IDE: variants seen among roughly 807,000 people sequenced by gnomAD.
IDE encodes the protein insulin degrading enzyme.
IDE carries 58 observed loss-of-function variants against 133.2 expected under a neutral mutation model. The observed-to-expected ratio is 0.44, with a 90% CI of 0.35 to 0.54. The LOEUF is 0.54. IDE is among the 20% of genes least tolerant of loss of function. IDE has a pLI of 0.00. For synonymous variants in IDE, 396 were observed against 421.3 expected, an observed-to-expected ratio of 0.94 and a Z score of 0.73; for missense variants, 981 against 1,234.0, an observed-to-expected ratio of 0.79 and a Z score of 3.07.
chr10:92,493,392 T>TC (rs980643788), intron 11 of IDE, among the ~76,000 whole-genome samples: 3 of 151,506 alleles, frequency 2.0e-5, no homozygotes, highest in Non-Finnish European at 4.4e-5. Flanking sequence ...ACGCTTGATT[T>TC]CTTTTTTTTT....
intron 22 of IDE, among the ~76,000 whole-genome samples, 160 bp from the exon 23 acceptor site, chr10:92,456,591 C>T (rs1275944839): frequency 6.6e-6 from 1 of 152,132 alleles, no homozygotes; most frequent in Non-Finnish European, 1.5e-5. Flanking sequence ...GTAATCCCAG[C>T]ACTTTGGGAG....
chr10:92,533,845 G>A (rs1421578360), intron 3 of IDE, among the ~76,000 whole-genome samples: 1 of 151,850 alleles, frequency 6.6e-6, no homozygotes, highest in African/African-American at 2.4e-5. Context: ...CCAACATGGT[G>A]AAACCCCATC....
intron 23 of IDE, 54 bp from the exon 24 acceptor site, chr10:92,455,697 G>GAA (rs1844968854): frequency 2.8e-5 from 23 of 812,862 alleles, no homozygotes; most frequent in Admixed American, 9.0e-5. Flanking sequence ...TATCACAAAA[G>GAA]AACAAAAAAA....
chr10:92,487,145 A>G, intron 13 of IDE, 51 bp downstream of exon 13: 2 of 1,545,584 alleles, frequency 1.3e-6, no homozygotes, highest in Non-Finnish European at 1.8e-6. Context: ...CCAGTCCCCC[A>G]TGTATTAGGT....
intron 1 of IDE, among the ~76,000 whole-genome samples, chr10:92,551,981 A>C (rs1842805425): frequency 6.6e-6 from 1 of 152,272 alleles, no homozygotes; most frequent in East Asian, 1.9e-4. Context: ...ACACACACAC[A>C]AAAAGGTCAA....
chr10:92,468,968 A>G lies in IDE; in HGVS notation c.2231T>C (p.Met744Thr), dbSNP rs757095498. 6.2e-7 allele frequency: 1 copy of G among 1,605,710 alleles called. No individual in the cohort carries two copies. The highest frequency in any genetic ancestry group is 1.7e-5 in the Admixed American group (1 of 60,010). The change falls in exon 19 of 25, where the codon ATG becomes ACG. Residue 744 changes from methionine to threonine, a missense_variant. Physicochemically the swap from Met to Thr is moderately conservative, Grantham distance 81 (BLOSUM62 -1). Around this residue, in one of 2 missense-constraint regions of IDE, gnomAD observed 660 missense variants for 894.7 expected, o/e 0.74. Transcript: ENST00000265986. ...TKQAALGIMQ[M>T]VEDTLIEHAH... ...ATGTTCAATGAGGGTGTCTTCAACC[A>G]TCTGCATAATTCCTAATGCAGCCTA...
chr10:92,495,421 A>G (rs931855590), intron 11 of IDE, among the ~76,000 whole-genome samples: 1 of 151,984 alleles, frequency 6.6e-6, no homozygotes, highest in Non-Finnish European at 1.5e-5. Flanking sequence ...GGGTTTCACT[A>G]TGTTGGCCAG....
chr10:92,504,509 A>T (rs1011227670), intron 11 of IDE, among the ~76,000 whole-genome samples: 2 of 152,178 alleles, frequency 1.3e-5, no homozygotes, highest in African/African-American at 2.4e-5. Context: ...TATTTATGAT[A>T]ATAAAATTAT....
rs1279397450 is a variant in IDE, at chr10:92,463,745, T to C, written c.2747A>G (p.Tyr916Cys). The change falls in exon 21 of 25, where the codon TAT (tyrosine) becomes TGT (cysteine). Residue 916 changes from tyrosine (Y) to cysteine (C), a missense_variant. Physicochemically the swap from Tyr to Cys is radical, Grantham distance 194. This residue lies in a region of IDE where 660 missense variants were observed against 894.7 expected (regional missense o/e 0.74). Transcript: ENST00000265986. ...TTTTACCTTACCTCTGTCAAAATTA[T>C]ATTGCTGGGAGATGATTTCTCCCCA... Reference protein sequence around the residue: ...KYWGEIISQQYNFDRDNTEVA... With the variant: ...KYWGEIISQQCNFDRDNTEVA... The C allele has an allele frequency of 1.9e-6, 3 of 1,613,740 alleles. No homozygotes were observed. Among genetic ancestry groups the C allele is most frequent in the East Asian group, 2.2e-5 (1 of 44,898 alleles).
At chr10:92,512,960 C>T (rs1000376103) in intron 5 of IDE, among the ~76,000 whole-genome samples, 2 of 152,110 alleles carry the variant, frequency 1.3e-5, no homozygotes, top group African/African-American at 2.4e-5. Context: ...GTACAATGTA[C>T]CACCCACCAC....
In IDE at chr10:92,510,749, A is replaced by C. The variant is rs563158100; in HGVS notation, c.785-587T>G. 4.1e-4 allele frequency among the ~76,000 whole-genome samples: 60 copies of C among 147,628 alleles called. 2 individuals are homozygous for C. The South Asian group carries it at 0.012, about 30-fold the overall frequency. ...ATCTCACATGTATGAAATATAGCACATACATCTCACATATATGATATATAG... is the reference window on the plus strand; with the variant it reads ...ATCTCACATGTATGAAATATAGCACCTACATCTCACATATATGATATATAG... On this transcript the variant is annotated intron_variant, in intron 5 of 24. Transcript: ENST00000265986.
Position 92,510,193 on chromosome 10 carries a change from T to A in IDE, c.785-31A>T, listed in dbSNP as rs761597143. ...AGAAAACAGACAAGGAAAACAGAAC[T>A]TAAGCGAATCATAACATCCAACAGG... On this transcript the variant is annotated intron_variant, in intron 5 of 24. Coordinates refer to ENST00000265986, the MANE Select transcript of IDE (RefSeq NM_004969.4). 7 of 1,158,390 alleles carry A rather than the reference T, an allele frequency of 6.0e-6. No homozygotes were observed. In the East Asian group the frequency reaches 1.7e-4, roughly 27 times the overall value. 71.8% of individuals were successfully genotyped at this position (1,158,390 alleles called of 1,614,324 possible).
intron 11 of IDE, among the ~76,000 whole-genome samples, chr10:92,492,421 G>A (rs990464563): frequency 9.2e-5 from 14 of 152,222 alleles, no homozygotes; most frequent in South Asian, 2.1e-4. Context: ...GGGACACTCC[G>A]CCTCTACTGC....
At chr10:92,560,401 C>T (rs868710060) in intron 1 of IDE, among the ~76,000 whole-genome samples, 2 of 152,148 alleles carry the variant, frequency 1.3e-5, no homozygotes, top group African/African-American at 2.4e-5. Flanking sequence ...TGTTACATTA[C>T]ACTCATCGTC....
intron 5 of IDE, among the ~76,000 whole-genome samples, chr10:92,512,032 C>T (rs1227328644): frequency 2.0e-5 from 3 of 152,146 alleles, no homozygotes; most frequent in East Asian, 1.9e-4. Flanking sequence ...TCTGTCTACC[C>T]CACTAAACTG....
At position 92,524,493 on chromosome 10, in the gene IDE, A is replaced by T. The variant is rs868359463; in HGVS notation, c.661+7255T>A. ...TAATATATAATATATATTATATTAT[A>T]ATATATTTTATATAATATATAATAT... is the stretch of plus-strand genomic sequence containing the variant. On this transcript the variant is annotated intron_variant, in intron 4 of 24. Coordinates refer to ENST00000265986, the MANE Select transcript of IDE (RefSeq NM_004969.4). Among the ~76,000 whole-genome samples, 104 of 81,356 alleles carry T rather than the reference A, an allele frequency of 1.3e-3. 6 individuals carry two copies. Among genetic ancestry groups the T allele is most frequent in the Middle Eastern group, 5.0e-3 (1 of 202 alleles). The allele number at this position is 81,356 out of a possible 152,430, so 53.4% of individuals were successfully genotyped here.
intron 3 of IDE, among the ~76,000 whole-genome samples, chr10:92,534,293 A>T (rs779960702): frequency 1.3e-5 from 2 of 152,236 alleles, no homozygotes; most frequent in Admixed American, 6.5e-5. Flanking sequence ...AAAGAGATCA[A>T]TGACATTATC....
chr10:92,572,877 C>G (rs893010306), intron 1 of IDE: 26 of 984,922 alleles, frequency 2.6e-5, no homozygotes, highest in Non-Finnish European at 3.1e-5. Flanking sequence ...CCACACACTA[C>G]CCATACTACC....
At chr10:92,559,733 GTA>G (rs1287029298) in intron 1 of IDE, among the ~76,000 whole-genome samples, 4 of 138,086 alleles carry the variant, frequency 2.9e-5, no homozygotes, top group Non-Finnish European at 4.7e-5. Flanking sequence ...CCCATGAATG[GTA>G]TATTTTTTTT....
Sources: gnomAD v4.1 joint callset for allele counts (sites outside exome capture counted in the v4.1 genomes callset) on GRCh38, gnomAD v4.1.1 for gene constraint, gnomAD v4.1.1 regional missense constraint, MANE v1.5 for transcripts, NCBI Gene and HGNC (gene_info 2026-07-23, HGNC 2026-07-21) for gene names.